Variants in BCO1 observed in about 807,000 individuals in gnomAD.
BCO1 encodes the protein beta,beta-carotene 15,15'-dioxygenase.
In BCO1, 54 loss-of-function variants were observed where a neutral mutation model predicts 56.3. The ratio of observed to expected loss-of-function variants is 0.96; its 90% CI spans 0.77 to 1.20. BCO1 has a LOEUF of 1.20. Among genes scored for constraint, BCO1 ranks in the 50% most tolerant of loss-of-function variants. BCO1 has a pLI of 0.00. For synonymous variants in BCO1, 318 were observed against 266.1 expected (o/e 1.20, Z -1.90); for missense variants, 801 against 690.9 (o/e 1.16, Z -1.79).
intron 2 of BCO1, among the ~76,000 whole-genome samples, chr16:81,250,950 TTG>T (rs1181215201): frequency 6.6e-6 from 1 of 152,196 alleles, no homozygotes; most frequent in East Asian, 1.9e-4. Flanking sequence ...AAGATAGCGT[TTG>T]TGTTTCTAAC....
chr16:81,289,684 G>A (rs770050094), intron 10 of BCO1, among the ~76,000 whole-genome samples: 28 of 152,186 alleles, frequency 1.8e-4, no homozygotes, highest in Non-Finnish European at 3.5e-4. Flanking sequence ...ACCACTCTTC[G>A]ATGCCTGCAA....
At chr16:81,242,440 A>T (rs976015468) in intron 1 of BCO1, among the ~76,000 whole-genome samples, 2 of 151,918 alleles carry the variant, frequency 1.3e-5, no homozygotes, top group African/African-American at 4.8e-5. Context: ...ACCTCGAGTG[A>T]TCCATCCGCC....
In BCO1 at chr16:81,259,745, T is replaced by C. The variant is rs1280370472; in HGVS notation, c.263T>C (p.Ile88Thr). 12 of 1,614,068 alleles carry C rather than the reference T, an allele frequency of 7.4e-6. No homozygotes were observed. The highest frequency in any genetic ancestry group is 1.0e-5 in the Non-Finnish European group (12 of 1,180,028). ...TYNTNIEANR[I>T]VVSEFGTMAY... ...AACACCAATATTGAGGCAAACAGGA[T>C]TGTGGTGTCTGAGTTTGGAACAATG... The change falls in exon 3 of 11, where the codon ATT becomes ACT. Residue 88 changes from isoleucine to threonine, a missense_variant. By Grantham distance (89) the Ile-to-Thr change is moderately conservative. Transcript: ENST00000258168.
chr16:81,270,686 C>CTGTGTG (rs762227797), intron 7 of BCO1, among the ~76,000 whole-genome samples: 31 of 29,610 alleles, frequency 1.0e-3, no homozygotes, highest in Admixed American at 9.2e-3. Context: ...GTCTCTCTCT[C>CTGTGTG]TGTGTCTGTG....
intron 7 of BCO1, among the ~76,000 whole-genome samples, chr16:81,275,975 G>C (rs981969010): frequency 1.3e-5 from 2 of 152,236 alleles, no homozygotes. Context: ...GCCCTGCCCT[G>C]GTGCTGCAGG....
intron 7 of BCO1, among the ~76,000 whole-genome samples, chr16:81,270,966 G>A (rs1361628516): frequency 2.0e-5 from 3 of 152,002 alleles, no homozygotes; most frequent in South Asian, 4.1e-4. Context: ...GGATGGTCTG[G>A]ATCTCCCGAC....
At chr16:81,254,295 A>ATTTTTTT (rs57961725) in intron 2 of BCO1, among the ~76,000 whole-genome samples, 10 of 78,286 alleles carry the variant, frequency 1.3e-4, no homozygotes, top group East Asian at 4.1e-4. Context: ...CGCCCGGCTA[A>ATTTTTTT]TTTTTTTTTT....
At chr16:81,280,324 GAC>G (rs10607036) in intron 7 of BCO1, among the ~76,000 whole-genome samples, 90,854 of 113,316 alleles carry the variant, frequency 0.8, 36,026 homozygotes, top group East Asian at 0.86. Context: ...CACACACACA[GAC>G]ACACACACAC....
At chr16:81,244,282 G>A (rs757395011) in intron 1 of BCO1, among the ~76,000 whole-genome samples, 1 of 152,180 alleles carries the variant, frequency 6.6e-6, no homozygotes, top group Non-Finnish European at 1.5e-5. Flanking sequence ...TATGCCACAC[G>A]TGCACTTTTA....
At chr16:81,273,229 C>T (rs565511244) in intron 7 of BCO1, among the ~76,000 whole-genome samples, 37 of 152,252 alleles carry the variant, frequency 2.4e-4, no homozygotes, top group African/African-American at 8.9e-4. Context: ...GTTATCCACC[C>T]ACCTCGGCCT....
intron 5 of BCO1, among the ~76,000 whole-genome samples, chr16:81,266,781 T>C (rs368736054): frequency 4.1e-4 from 62 of 152,180 alleles, no homozygotes; most frequent in African/African-American, 6.3e-4. Flanking sequence ...ACCTGCTCCA[T>C]GCTGGCGGTG....
intron 1 of BCO1, among the ~76,000 whole-genome samples, chr16:81,245,078 G>T (rs943527606): frequency 1.3e-5 from 2 of 151,998 alleles, no homozygotes; most frequent in African/African-American, 2.4e-5. Context: ...TTTTAGTAGA[G>T]GTGGGATTTC....
At chr16:81,262,548 C>G (rs1479989012) in intron 4 of BCO1, 4 of 435,622 alleles carry the variant, frequency 9.2e-6, no homozygotes, top group South Asian at 4.1e-5. Flanking sequence ...CAGAAATTGG[C>G]TGGGTGTGGT....
intron 8 of BCO1, among the ~76,000 whole-genome samples, chr16:81,283,123 A>T (rs140761820): frequency 3.3e-5 from 5 of 152,264 alleles, no homozygotes; most frequent in African/African-American, 1.2e-4. Context: ...TGCATTCCAT[A>T]TCATCTAGAA....
intron 9 of BCO1, among the ~76,000 whole-genome samples, chr16:81,286,054 A>T (rs140303921): frequency 1.3e-5 from 1 of 75,034 alleles, no homozygotes; most frequent in Non-Finnish European, 2.6e-5. Flanking sequence ...CTTTTTATTT[A>T]AAAAAAAAAT....
rs1904984599 is a variant in BCO1, at chr16:81,238,946, T to G, written c.38T>G (p.Leu13Arg). ...IIFGRNRKEQ[L>R]EPVRAKVTGK... is the part of the protein sequence containing the mutation. Reference sequence around the variant, plus strand: ...TTTGGCAGGAATAGGAAAGAACAGCTGGAGCCTGTGAGGGCCAAAGTGACA... The same window carrying G: ...TTTGGCAGGAATAGGAAAGAACAGCGGGAGCCTGTGAGGGCCAAAGTGACA... The change falls in exon 1 of 11, where the codon CTG (leucine) becomes CGG (arginine). Residue 13 changes from leucine (L) to arginine (R), a missense_variant. Coordinates refer to ENST00000258168, the MANE Select transcript of BCO1 (RefSeq NM_017429.3). The G allele has an allele frequency of 3.7e-6, 6 of 1,613,936 alleles. No individual in the cohort carries two copies. Among genetic ancestry groups the G allele is most frequent in the Non-Finnish European group, 5.1e-6 (6 of 1,180,016 alleles).
At chr16:81,272,677 C>A (rs1236791803) in intron 7 of BCO1, among the ~76,000 whole-genome samples, 1 of 152,228 alleles carries the variant, frequency 6.6e-6, no homozygotes, top group African/African-American at 2.4e-5. Flanking sequence ...GGCTCCAGAA[C>A]TCACTGACTT....
Position 81,238,907 on chromosome 16 carries a change from C to G in BCO1, c.-2C>G. On this transcript the variant is annotated 5_prime_UTR_variant, in exon 1 of 11. Transcript: ENST00000258168. ...AATCGATCTCCCTCGGCACCCTGAG[C>G]AATGGATATAATATTTGGCAGGAAT... The G allele has an allele frequency of 6.2e-7, 1 of 1,613,882 alleles. No individual in the cohort carries two copies. The highest frequency in any genetic ancestry group is 8.5e-7 in the Non-Finnish European group (1 of 1,179,894).
At chr16:81,286,905 C>G (rs1313211710) in intron 9 of BCO1, among the ~76,000 whole-genome samples, 1 of 151,414 alleles carries the variant, frequency 6.6e-6, no homozygotes, top group Non-Finnish European at 1.5e-5. Flanking sequence ...GAAACCCCGT[C>G]TCTACTAAAA....
Sources: gnomAD v4.1 joint callset for allele counts (sites outside exome capture counted in the v4.1 genomes callset) on GRCh38, gnomAD v4.1.1 for gene constraint, MANE v1.5 for transcripts, NCBI Gene and HGNC (gene_info 2026-07-23, HGNC 2026-07-21) for gene names.